Variants in ADGRG1 observed in about 807,000 individuals in gnomAD.
The protein encoded by ADGRG1 is adhesion G protein-coupled receptor G1.
ADGRG1 carries 53 observed loss-of-function variants against 73.5 expected under a neutral mutation model. The ratio of observed to expected loss-of-function variants is 0.72; its 90% CI spans 0.58 to 0.91. ADGRG1 has a LOEUF of 0.91. ADGRG1 is among the 40% of genes least tolerant of loss of function. The pLI is 0.00. For missense variants in ADGRG1, 795 were observed against 871.8 expected (o/e 0.91, Z 1.11); for synonymous variants, 394 against 374.4 (o/e 1.05, Z -0.60).
chr16:57,628,929 TGTGA>T lies in ADGRG1; in HGVS notation c.-36+131_-36+134del, dbSNP rs1396372323. On this transcript the variant is annotated intron_variant, in intron 1 of 13. Transcript: ENST00000562631. ...GTGAGTGTGTGAGAGTGAGTGTGAG[TGTGA>T]GTGTGAGCGTGAGAGTGTGAGAGTG... 1,449 of 640,200 alleles carry T rather than the reference TGTGA, an allele frequency of 2.3e-3. 50 individuals are homozygous for T. The African/African-American group carries it at 0.039, about 17-fold the overall frequency. 39.7% of individuals were successfully genotyped at this position (640,200 alleles called of 1,614,324 possible). A position where few individuals can be genotyped will look rare whatever the true frequency, so the allele number is the denominator to read the frequency against.
chr16:57,626,988 C>T (rs2035964648), upstream of ADGRG1: 12 of 985,512 alleles, frequency 1.2e-5, 1 homozygote, highest in Middle Eastern at 2.6e-3. Context: ...GAGGGTATGA[C>T]ATGGGCCCAG....
At chr16:57,660,723 G>A (rs767658128) in intron 11 of ADGRG1, 45 bp from the exon 12 acceptor site, 4 of 1,485,826 alleles carry the variant, frequency 2.7e-6, no homozygotes, top group Non-Finnish European at 3.7e-6. Context: ...GAATGGGCAG[G>A]CCTCAGAGAG....
rs947451365 is a variant in ADGRG1 at position 57,659,002 on chromosome 16, C to T, written c.1287-411C>T. ...CTTGCAAACCTCAGACAGACCGATG[C>T]GGGCAGCCCACACTCAGACTCACAG... is the stretch of plus-strand genomic sequence containing the variant. On this transcript the variant is annotated intron_variant, in intron 10 of 13. Transcript: ENST00000562631. 58 of 984,932 alleles carry T rather than the reference C, an allele frequency of 5.9e-5. No homozygotes were observed. The African/African-American group carries it at 9.2e-4, about 16-fold the overall frequency. 61.0% of individuals were successfully genotyped at this position (984,932 alleles called of 1,614,324 possible).
At chr16:57,645,204 G>C (rs1000532845) in intron 1 of ADGRG1, 1 of 985,458 alleles carries the variant, frequency 1.0e-6, no homozygotes, top group Non-Finnish European at 1.2e-6. Context: ...AGCTGCGGAC[G>C]GGAGGGGAGC....
At chr16:57,644,900 A>G (rs1401340249) in intron 1 of ADGRG1, among the ~76,000 whole-genome samples, 2 of 138,856 alleles carry the variant, frequency 1.4e-5, no homozygotes, top group East Asian at 5.0e-4. Flanking sequence ...GGGCACACAC[A>G]CTCATCACTT....
At chr16:57,636,458 A>G (rs2039390950) in intron 1 of ADGRG1, 1 of 985,162 alleles carries the variant, frequency 1.0e-6, no homozygotes, top group Admixed American at 6.2e-5. Context: ...CAGTCTTGGG[A>G]ACCGTTCTCT....
In ADGRG1 at chr16:57,649,383, C is replaced by T. The variant is rs182345557; in HGVS notation, c.-35-870C>T. 2.1e-3 allele frequency among the ~76,000 whole-genome samples: 323 copies of T among 152,300 alleles called. 2 individuals are homozygous for T. Among genetic ancestry groups the T allele is most frequent in the Admixed American group, 6.7e-3 (102 of 15,300 alleles). On this transcript the variant is annotated intron_variant, in intron 1 of 13. Coordinates refer to ENST00000562631, the MANE Select transcript of ADGRG1 (RefSeq NM_201525.4). Reference sequence around the variant, plus strand: ...TGACCAAGGAGGAGGGAATGCACGTCTCCCACTACCTGGAGGAGGCTACTG... The same window carrying T: ...TGACCAAGGAGGAGGGAATGCACGTTTCCCACTACCTGGAGGAGGCTACTG...
chr16:57,619,788 G>C (rs2034444573), upstream of ADGRG1: 1 of 152,460 alleles, frequency 6.6e-6, no homozygotes, highest in Non-Finnish European at 1.5e-5. Context: ...CAACAGCCTG[G>C]GCGGCCGCTG....
At chr16:57,630,436 C>T in intron 1 of ADGRG1, 5 of 985,858 alleles carry the variant, frequency 5.1e-6, no homozygotes, top group South Asian at 4.7e-5. Context: ...GCCCCCTTGC[C>T]CTTCCTCTCC....
upstream of ADGRG1, among the ~76,000 whole-genome samples, chr16:57,620,476 G>A (rs1426019801): frequency 3.3e-5 from 5 of 152,230 alleles, no homozygotes; most frequent in Admixed American, 3.3e-4. Context: ...GCATGGACGG[G>A]AGGCAGGCGG....
upstream of ADGRG1, chr16:57,627,722 C>T: frequency 1.3e-6 from 1 of 774,630 alleles, no homozygotes; most frequent in Non-Finnish European, 1.5e-6. Flanking sequence ...ATCATCTATC[C>T]TCATTGCTCG....
chr16:57,654,051 A>T lies in ADGRG1; in HGVS notation c.686A>T (p.Glu229Val), dbSNP rs1567771453. The change falls in exon 5 of 14, where the codon GAG (glutamate) becomes GTG (valine). Residue 229 changes from glutamate (E) to valine (V), a missense_variant. By Grantham distance (121) the Glu-to-Val change is moderately radical. Transcript: ENST00000562631. ...VRFMGDMVSF[E>V]EDRINATVWK... is the part of the protein sequence containing the mutation. ...TTCATGGGGGACATGGTGTCCTTCG[A>T]GGAGGACCGGATCAACGCCACGGTG... The T allele has an allele frequency of 6.2e-7, 1 of 1,614,016 alleles. No individual in the cohort carries two copies. The highest frequency in any genetic ancestry group is 8.5e-7 in the Non-Finnish European group (1 of 1,180,004).
intron 1 of ADGRG1, among the ~76,000 whole-genome samples, chr16:57,644,639 T>C (rs1211210072): frequency 7.0e-6 from 1 of 142,322 alleles, no homozygotes; most frequent in East Asian, 2.3e-4. Flanking sequence ...TGCACACTCA[T>C]GCATGGGCAC....
At chr16:57,644,814 TCA>T (rs1162785529) in intron 1 of ADGRG1, among the ~76,000 whole-genome samples, 6 of 122,360 alleles carry the variant, frequency 4.9e-5, no homozygotes, top group East Asian at 2.7e-4. Flanking sequence ...TCATCACTCC[TCA>T]CACACATGCA....
At chr16:57,660,516 C>T in intron 11 of ADGRG1, 1 of 719,768 alleles carries the variant, frequency 1.4e-6, no homozygotes, top group Non-Finnish European at 1.7e-6. Flanking sequence ...AGGCCTTTCT[C>T]CCAGGGGCCC....
intron 1 of ADGRG1, chr16:57,630,209 T>A: frequency 2.5e-6 from 1 of 407,272 alleles, no homozygotes; most frequent in South Asian, 1.0e-4. Flanking sequence ...GGGCAGCCTG[T>A]TGGCTCCTTG....
chr16:57,627,184 A>C (rs1596993685), upstream of ADGRG1: 6 of 672,682 alleles, frequency 8.9e-6, no homozygotes, highest in Non-Finnish European at 1.1e-5. Flanking sequence ...AGTGCAGTTC[A>C]CCTGCAGCAG....
chr16:57,654,411 C>CT (rs199827974), intron 5 of ADGRG1, among the ~76,000 whole-genome samples: 1 of 42,570 alleles, frequency 2.3e-5, no homozygotes, highest in Non-Finnish European at 3.9e-5. Flanking sequence ...GTCCACGCAC[C>CT]CCCCCCCCCC....
chr16:57,663,474 C>T lies in ADGRG1; in HGVS notation c.1956C>T (p.Tyr652=), dbSNP rs2047771651. 3 of 1,614,068 alleles carry T rather than the reference C, an allele frequency of 1.9e-6. No individual in the cohort carries two copies. The highest frequency in any genetic ancestry group is 2.2e-5 in the South Asian group (2 of 91,084). The part of the protein sequence containing the change: ...SFQGFLIFIW[Y]WSMRLQARGG... Reference sequence around the variant, plus strand: ...CAGGCTTCCTCATCTTCATCTGGTACTGGTCCATGCGGCTGCAGGCCCGGG... The same window carrying T: ...CAGGCTTCCTCATCTTCATCTGGTATTGGTCCATGCGGCTGCAGGCCCGGG... Residue 652 remains tyrosine, a synonymous_variant, in exon 14 of 14, where the codon TAC becomes TAT. Transcript: ENST00000562631.
Sources: gnomAD v4.1 joint callset for allele counts (sites outside exome capture counted in the v4.1 genomes callset) on GRCh38, gnomAD v4.1.1 for gene constraint, MANE v1.5 for transcripts, NCBI Gene and HGNC (gene_info 2026-07-23, HGNC 2026-07-21) for gene names.